SLC35F1: variants seen among roughly 807,000 people sequenced by gnomAD.
SLC35F1 encodes chromosome 6 open reading frame 169.
SLC35F1 carries 14 observed loss-of-function variants against 48.7 expected under a neutral mutation model. The observed-to-expected ratio is 0.29, with a 90% CI of 0.19 to 0.45. The LOEUF (loss-of-function observed/expected upper bound fraction) is 0.45. Ranked by LOEUF, SLC35F1 falls within the 20% of genes least tolerant of loss-of-function variation. The probability of loss-of-function intolerance (pLI) is 1.00; values close to 1 mark genes in which losing one functional copy is unlikely to be tolerated. For synonymous variants in SLC35F1, 190 were observed against 202.2 expected (o/e 0.94, Z 0.51); for missense variants, 404 against 500.0 (o/e 0.81, Z 1.83).
intron 1 of SLC35F1, among the ~76,000 whole-genome samples, chr6:117,920,600 G>C (rs1775885455): frequency 6.6e-6 from 1 of 152,182 alleles, no homozygotes; most frequent in African/African-American, 2.4e-5. Flanking sequence ...TGCTAGATGG[G>C]AGGAGTTAGA....
At chr6:118,035,481 G>C (rs1772113142) in intron 1 of SLC35F1, among the ~76,000 whole-genome samples, 1 of 150,838 alleles carries the variant, frequency 6.6e-6, no homozygotes, top group African/African-American at 2.4e-5. Context: ...GGGCATGGTG[G>C]CACATGCCCG....
chr6:117,977,936 T>G (rs910130693), intron 1 of SLC35F1, among the ~76,000 whole-genome samples: 2 of 152,154 alleles, frequency 1.3e-5, no homozygotes, highest in African/African-American at 4.8e-5. Flanking sequence ...GTTGGAATAA[T>G]AAATATTAAG....
chr6:118,219,238 A>G (rs181136970), intron 2 of SLC35F1, among the ~76,000 whole-genome samples: 12 of 152,354 alleles, frequency 7.9e-5, no homozygotes, highest in Admixed American at 7.8e-4. Flanking sequence ...ATAGATCTAT[A>G]TCATGTATGT....
chr6:118,246,449 AATGGAGCTAC>A (rs1775508407), intron 3 of SLC35F1, among the ~76,000 whole-genome samples: 1 of 152,188 alleles, frequency 6.6e-6, no homozygotes, highest in Non-Finnish European at 1.5e-5. Context: ...AATATAGTAA[AATGGAGCTAC>A]ACACGAAATG....
intron 3 of SLC35F1, among the ~76,000 whole-genome samples, chr6:118,259,000 C>T (rs1775679801): frequency 6.6e-6 from 1 of 151,382 alleles, no homozygotes; most frequent in Admixed American, 6.6e-5. Context: ...TTAAAATGAG[C>T]TTATAAATAA....
At chr6:118,250,957 T>C (rs1775566684) in intron 3 of SLC35F1, among the ~76,000 whole-genome samples, 1 of 151,260 alleles carries the variant, frequency 6.6e-6, no homozygotes, top group Admixed American at 6.6e-5. Flanking sequence ...AGAGCCAGAC[T>C]CCATCTCAAA....
intron 2 of SLC35F1, among the ~76,000 whole-genome samples, chr6:118,230,447 T>C (rs74384635): frequency 1.3e-5 from 2 of 152,152 alleles, no homozygotes; most frequent in South Asian, 2.1e-4. Flanking sequence ...AATTGTGGCA[T>C]ACTCATAAAA....
At chr6:117,981,267 A>G (rs1431755551) in intron 1 of SLC35F1, among the ~76,000 whole-genome samples, 1 of 152,136 alleles carries the variant, frequency 6.6e-6, no homozygotes, top group Non-Finnish European at 1.5e-5. Context: ...AGTCGTGGAG[A>G]TGATGCTGGA....
At position 118,315,711 on chromosome 6, in the gene SLC35F1, T is replaced by C. The variant is rs1200328244; in HGVS notation, c.*1459T>C. ...ACCTTGGCCTCCCGAAGTGCTGGGATTACAGGCGTGAGCCACTGCGCCCGG... is the reference window on the plus strand; with the variant it reads ...ACCTTGGCCTCCCGAAGTGCTGGGACTACAGGCGTGAGCCACTGCGCCCGG... On this transcript the variant is annotated 3_prime_UTR_variant, in exon 8 of 8. Coordinates refer to ENST00000360388, the MANE Select transcript of SLC35F1 (RefSeq NM_001029858.4). 1 of 152,426 alleles carries C rather than the reference T, an allele frequency of 6.6e-6. No homozygotes were observed. The highest frequency in any genetic ancestry group is 1.5e-5 in the Non-Finnish European group (1 of 68,254). 9.4% of individuals were successfully genotyped at this position (152,426 alleles called of 1,614,324 possible).
intron 2 of SLC35F1, among the ~76,000 whole-genome samples, chr6:118,159,750 G>A (rs1158514547): frequency 6.6e-6 from 1 of 152,166 alleles, no homozygotes; most frequent in Non-Finnish European, 1.5e-5. Flanking sequence ...CTAGGATACA[G>A]TTCCTATCAA....
intron 2 of SLC35F1, among the ~76,000 whole-genome samples, chr6:118,178,459 C>T (rs1299978503): frequency 3.3e-5 from 5 of 152,098 alleles, no homozygotes; most frequent in African/African-American, 9.7e-5. Context: ...TTTCTTTAAC[C>T]TTAAAAGTGA....
At chr6:117,951,348 A>T (rs2114827553) in intron 1 of SLC35F1, among the ~76,000 whole-genome samples, 2 of 152,372 alleles carry the variant, frequency 1.3e-5, no homozygotes, top group East Asian at 1.9e-4. Flanking sequence ...AAACTTAGTT[A>T]TGTGTCTTGA....
chr6:117,975,503 A>T (rs1776694616), intron 1 of SLC35F1, among the ~76,000 whole-genome samples: 1 of 152,128 alleles, frequency 6.6e-6, no homozygotes, highest in Admixed American at 6.5e-5. Context: ...TTTTAGTATG[A>T]TCTCCCTCCC....
chr6:118,294,068 G>A (rs1776155073), intron 7 of SLC35F1, among the ~76,000 whole-genome samples: 1 of 150,678 alleles, frequency 6.6e-6, no homozygotes, highest in African/African-American at 2.4e-5. Context: ...ATGTATAAAA[G>A]GTGACCAGCA....
intron 1 of SLC35F1, among the ~76,000 whole-genome samples, chr6:118,061,127 T>A (rs1381257074): frequency 6.6e-6 from 1 of 152,218 alleles, no homozygotes; most frequent in Non-Finnish European, 1.5e-5. Flanking sequence ...CATTAGTAGT[T>A]TCAACTGCCT....
At chr6:117,999,089 T>C in intron 1 of SLC35F1, 1 of 1,544,162 alleles carries the variant, frequency 6.5e-7, no homozygotes, top group Non-Finnish European at 8.9e-7. Flanking sequence ...GGACCCCAAG[T>C]TCCTGAGGAA....
Position 117,907,699 on chromosome 6 carries a change from T to G in SLC35F1, c.-28T>G. On this transcript the variant is annotated 5_prime_UTR_variant, in exon 1 of 8. Coordinates refer to ENST00000360388, the MANE Select transcript of SLC35F1 (RefSeq NM_001029858.4). Reference sequence around the variant, plus strand: ...CACGATGCACCCGGCTGCGTTCTGATCGCCGCCGCGCCTCAGCCTCTGCCG... The same window carrying G: ...CACGATGCACCCGGCTGCGTTCTGAGCGCCGCCGCGCCTCAGCCTCTGCCG... The G allele has an allele frequency of 7.1e-7, 1 of 1,406,378 alleles. No individual in the cohort carries two copies. Among genetic ancestry groups the G allele is most frequent in the Non-Finnish European group, 9.6e-7 (1 of 1,045,878 alleles). The allele number at this position is 1,406,378 out of a possible 1,614,324, so 87.1% of individuals were successfully genotyped here.
chr6:118,147,758 G>A (rs79801110), intron 1 of SLC35F1, among the ~76,000 whole-genome samples: 4,305 of 152,118 alleles, frequency 0.028, 214 homozygotes, highest in African/African-American at 0.099. Flanking sequence ...CCTACACTTA[G>A]TGCCAGTAAA....
At chr6:118,094,282 A>T (rs1773117482) in intron 1 of SLC35F1, among the ~76,000 whole-genome samples, 1 of 152,166 alleles carries the variant, frequency 6.6e-6, no homozygotes, top group Non-Finnish European at 1.5e-5. Flanking sequence ...AACATTAGAG[A>T]AAACAGAATA....
Sources: allele counts gnomAD v4.1 joint callset (sites outside exome capture counted in the v4.1 genomes callset), GRCh38; gene constraint gnomAD v4.1.1; transcripts MANE v1.5; gene names NCBI Gene and HGNC (gene_info 2026-07-23, HGNC 2026-07-21).